MED12L: variants seen among roughly 807,000 people sequenced by gnomAD.
MED12L encodes mediator of RNA polymerase II transcription subunit 12-like protein.
A neutral mutation model predicts 281.3 loss-of-function variants in MED12L; 60 were observed. The observed-to-expected ratio is 0.21, with a 90% CI of 0.17 to 0.26. The LOEUF (loss-of-function observed/expected upper bound fraction) is 0.26, where lower values mean the gene tolerates loss of function less well. Among genes scored for constraint, MED12L ranks in the 10% least tolerant of loss-of-function variants. MED12L has a pLI of 1.00. For missense variants in MED12L, 2,146 were observed against 2,680.9 expected (o/e 0.80, Z 4.41); for synonymous variants, 974 against 987.2 (o/e 0.99, Z 0.25).
chr3:151,413,149 C>G lies in MED12L; in HGVS notation c.6151C>G (p.Gln2051Glu), dbSNP rs748555256. 1.9e-6 allele frequency: 3 copies of G among 1,612,516 alleles called. No individual in the cohort carries two copies. The highest frequency in any genetic ancestry group is 2.5e-6 in the Non-Finnish European group (3 of 1,178,704). The change falls in exon 42 of 45, where the codon CAG (glutamine) becomes GAG (glutamate). Residue 2051 changes from glutamine (Q) to glutamate (E), a missense_variant. Around this residue, in one of 9 missense-constraint regions of MED12L, gnomAD observed 496 missense variants for 512.0 expected, o/e 0.97. Coordinates refer to ENST00000687756, the MANE Select transcript of MED12L (RefSeq NM_001393769.1). ...PLTGSQRLNH[Q>E]ALQQSPLVGG... ...ATTATTCTTTGCCAGACTGAACCAT[C>G]AGGCTCTACAGCAGAGCCCTCTGGT...
chr3:151,130,529 C>T (rs1715225560), intron 5 of MED12L, among the ~76,000 whole-genome samples: 1 of 152,156 alleles, frequency 6.6e-6, no homozygotes, highest in Non-Finnish European at 1.5e-5. Context: ...CAGAATGATC[C>T]TGTTAGGGCA....
intron 16 of MED12L, among the ~76,000 whole-genome samples, chr3:151,341,846 C>T (rs1319328721): frequency 2.6e-5 from 4 of 151,102 alleles, no homozygotes; most frequent in South Asian, 2.1e-4. Context: ...TTTGTTCTTG[C>T]GATAGTTTAC....
chr3:151,430,713 G>C (rs1025899680), intron 44 of MED12L, among the ~76,000 whole-genome samples: 1 of 39,450 alleles, frequency 2.5e-5, no homozygotes, highest in Non-Finnish European at 6.6e-5. Flanking sequence ...GGGAGCATCA[G>C]CTAATGCCCT....
intron 16 of MED12L, among the ~76,000 whole-genome samples, chr3:151,239,871 T>A (rs892746946): frequency 1.3e-4 from 20 of 152,354 alleles, no homozygotes; most frequent in Admixed American, 4.6e-4. Flanking sequence ...CCACATTTTA[T>A]GAAGAGTAAT....
At chr3:151,328,016 T>A in intron 16 of MED12L, 1 of 1,585,434 alleles carries the variant, frequency 6.3e-7, no homozygotes, top group Non-Finnish European at 8.6e-7. Context: ...GTTGTCTGTC[T>A]GACTGCTATG....
intron 11 of MED12L, among the ~76,000 whole-genome samples, chr3:151,175,749 G>A (rs189355814): frequency 1.1e-3 from 174 of 152,306 alleles, no homozygotes; most frequent in South Asian, 1.7e-3. Flanking sequence ...ATTTGTGCCT[G>A]CTCTTCCCTG....
intron 16 of MED12L, among the ~76,000 whole-genome samples, chr3:151,259,868 G>A (rs906243512): frequency 2.4e-4 from 36 of 152,136 alleles, no homozygotes; most frequent in Admixed American, 9.8e-4. Context: ...CCTTCATGAC[G>A]TCTCTGACTG....
intron 16 of MED12L, among the ~76,000 whole-genome samples, chr3:151,289,090 G>C: frequency 6.6e-6 from 1 of 152,182 alleles, no homozygotes; most frequent in East Asian, 1.9e-4. Context: ...AATGAAAAGT[G>C]ATAATATAGG....
chr3:151,112,955 C>T (rs1007229953), intron 2 of MED12L, among the ~76,000 whole-genome samples: 1 of 152,210 alleles, frequency 6.6e-6, no homozygotes. Context: ...TGCATCTGTG[C>T]ACTCTGTGCT....
chr3:151,271,103 G>T (rs1367934896), intron 16 of MED12L, among the ~76,000 whole-genome samples: 4 of 151,750 alleles, frequency 2.6e-5, no homozygotes, highest in African/African-American at 9.7e-5. Flanking sequence ...AGATTGGGGA[G>T]TAAATATTCA....
In MED12L at chr3:151,403,695, T is replaced by C. The variant is rs150077031; in HGVS notation, c.5821-5548T>C. On this transcript the variant is annotated intron_variant, in intron 39 of 44. Coordinates refer to ENST00000687756, the MANE Select transcript of MED12L (RefSeq NM_001393769.1). The stretch of plus-strand genomic sequence containing the variant: ...ACCCACAACATAAACCCAAGAAGCA[T>C]TAGAATAAAAAAGAGCACACATCTC... Among the ~76,000 whole-genome samples, 818 of 152,262 alleles carry C rather than the reference T, an allele frequency of 5.4e-3. 9 individuals carry two copies. The highest frequency in any genetic ancestry group is 0.018 in the African/African-American group (752 of 41,536).
intron 16 of MED12L, among the ~76,000 whole-genome samples, chr3:151,285,222 C>T (rs1052637341): frequency 3.9e-5 from 6 of 152,084 alleles, no homozygotes; most frequent in East Asian, 1.9e-4. Flanking sequence ...TGGTGGCTCA[C>T]GCCTGTAATC....
chr3:151,196,744 CTTG>C (rs1292073053), intron 16 of MED12L, among the ~76,000 whole-genome samples: 1 of 152,152 alleles, frequency 6.6e-6, no homozygotes, highest in Non-Finnish European at 1.5e-5. Flanking sequence ...ATAGCATTAT[CTTG>C]TTGTATGTTT....
chr3:151,300,003 A>T (rs554798872), intron 16 of MED12L: 1 of 1,121,552 alleles, frequency 8.9e-7, no homozygotes, highest in East Asian at 2.3e-5. Flanking sequence ...CCAAATTCCC[A>T]AACAGTGGAA....
In MED12L at chr3:151,097,296, TGAGAA is replaced by T. The variant is rs1437030830; in HGVS notation, c.99+10275_99+10279del. ...TCTTAGTTGTACAATGCTGTGACCC[TGAGAA>T]GAGGAGAAAAATATTAGCCATTGGA... On this transcript the variant is annotated intron_variant, in intron 2 of 44. Transcript: ENST00000687756. Among the ~76,000 whole-genome samples, 7 of 152,342 alleles carry T rather than the reference TGAGAA, an allele frequency of 4.6e-5. No individual in the cohort carries two copies. In the South Asian group the frequency reaches 1.2e-3, roughly 27 times the overall value.
At position 151,199,539 on chromosome 3, in the gene MED12L, T is replaced by G; in HGVS notation, c.2250+5873T>G. On this transcript the variant is annotated intron_variant, in intron 16 of 44. Coordinates refer to ENST00000687756, the MANE Select transcript of MED12L (RefSeq NM_001393769.1). The stretch of plus-strand genomic sequence containing the variant: ...ACAATACCGTTGTCTTTCCAGTTCT[T>G]AGAATTTTATTGGTGAACTTACCAG... 4.6e-6 allele frequency: 3 copies of G among 646,036 alleles called. No individual in the cohort carries two copies. In the East Asian group the frequency reaches 8.2e-5, roughly 18 times the overall value. 40.0% of individuals were successfully genotyped at this position (646,036 alleles called of 1,614,324 possible).
intron 11 of MED12L, among the ~76,000 whole-genome samples, chr3:151,181,188 T>C (rs981838473): frequency 5.3e-5 from 8 of 152,190 alleles, no homozygotes; most frequent in South Asian, 2.1e-4. Context: ...TTTTTAAATA[T>C]GTATTTTATC....
At chr3:151,238,822 C>T (rs924086771) in intron 16 of MED12L, among the ~76,000 whole-genome samples, 2 of 152,066 alleles carry the variant, frequency 1.3e-5, no homozygotes, top group Non-Finnish European at 2.9e-5. Context: ...AGTACATTTG[C>T]TACTTATGAT....
intron 16 of MED12L, among the ~76,000 whole-genome samples, chr3:151,268,948 C>T (rs1160994284): frequency 2.6e-5 from 4 of 152,154 alleles, no homozygotes; most frequent in African/African-American, 7.2e-5. Flanking sequence ...GTCTTCCTGA[C>T]GAGAAAGAAG....
Sources: allele counts gnomAD v4.1 joint callset (sites outside exome capture counted in the v4.1 genomes callset), GRCh38; gene constraint gnomAD v4.1.1; regional missense constraint gnomAD v4.1.1; transcripts MANE v1.5; gene names NCBI Gene and HGNC (gene_info 2026-07-23, HGNC 2026-07-21).